PTPRB: variants seen among roughly 807,000 people sequenced by gnomAD.
PTPRB encodes receptor-type tyrosine-protein phosphatase beta.
Under a neutral mutation model 238.1 loss-of-function variants are expected in PTPRB, and 97 were observed. The observed-to-expected ratio is 0.41, with a 90% CI of 0.35 to 0.48. The LOEUF (loss-of-function observed/expected upper bound fraction) is 0.48. Ranked by LOEUF, PTPRB falls within the 20% of genes least tolerant of loss-of-function variation. PTPRB has a pLI of 0.30. For missense variants in PTPRB, 2,292 were observed against 2,681.9 expected, an observed-to-expected ratio of 0.85 and a Z score of 3.21; for synonymous variants, 970 against 995.4, an observed-to-expected ratio of 0.97 and a Z score of 0.48.
At chr12:70,606,497 A>G (rs2136529069) in intron 4 of PTPRB, among the ~76,000 whole-genome samples, 1 of 152,334 alleles carries the variant, frequency 6.6e-6, no homozygotes, top group Middle Eastern at 3.4e-3. Flanking sequence ...CTAAGCAACA[A>G]CTATATTTCT....
At chr12:70,589,912 A>G (rs2136455906) in intron 8 of PTPRB, 52 bp downstream of exon 8, 2 of 1,551,702 alleles carry the variant, frequency 1.3e-6, no homozygotes, top group East Asian at 4.5e-5. Flanking sequence ...GTTACCTGGG[A>G]GAGGGAACAA....
In PTPRB at chr12:70,539,657, C is replaced by G. The variant is rs755777113; in HGVS notation, c.5746G>C (p.Asp1916His). The G allele has an allele frequency of 1.9e-6, 3 of 1,583,630 alleles. No individual in the cohort carries two copies. The highest frequency in any genetic ancestry group is 2.6e-6 in the Non-Finnish European group (3 of 1,161,752). The change falls in exon 26 of 34, where the codon GAC becomes CAC. Residue 1916 changes from aspartate (D) to histidine (H), a missense_variant. Around this residue, in one of 4 missense-constraint regions of PTPRB, gnomAD observed 397 missense variants for 502.0 expected, o/e 0.79. Coordinates refer to ENST00000334414, the MANE Select transcript of PTPRB (RefSeq NM_001109754.4). ...TCCTTGGATAGAAGGTAGTTGGAGT[C>G]AGCCTGTAGCTTCATGAAATGCCCT... ...FEGHFMKLQA[D>H]SNYLLSKEYE...
chr12:70,623,761 A>G (rs996962838), intron 2 of PTPRB, among the ~76,000 whole-genome samples: 1 of 152,152 alleles, frequency 6.6e-6, no homozygotes, highest in Non-Finnish European at 1.5e-5. Flanking sequence ...TATTCAAACA[A>G]CTGTTTATTA....
chr12:70,575,069 T>C (rs1565964226), intron 11 of PTPRB, among the ~76,000 whole-genome samples: 1 of 152,148 alleles, frequency 6.6e-6, no homozygotes, highest in Non-Finnish European at 1.5e-5. Context: ...CAGATCTAAG[T>C]CATTATTGTG....
At chr12:70,591,695 G>T (rs1023408464) in intron 7 of PTPRB, 2 of 152,640 alleles carry the variant, frequency 1.3e-5, no homozygotes, top group African/African-American at 4.8e-5. Context: ...GGACACATAT[G>T]GTCTCTGTCT....
chr12:70,528,074 C>T (rs1174031091), intron 32 of PTPRB, among the ~76,000 whole-genome samples: 1 of 152,142 alleles, frequency 6.6e-6, no homozygotes, highest in Non-Finnish European at 1.5e-5. Context: ...ACTTTTGCAC[C>T]AACCTAATAC....
At chr12:70,566,017 G>A (rs899878192) in intron 15 of PTPRB, among the ~76,000 whole-genome samples, 90 of 152,142 alleles carry the variant, frequency 5.9e-4, no homozygotes, top group Admixed American at 3.1e-3. Context: ...GAATGTGGGC[G>A]GCCTCAGAAG....
chr12:70,539,913 T>C (rs898684837), intron 24 of PTPRB, 26 bp downstream of exon 24: 14 of 1,590,084 alleles, frequency 8.8e-6, no homozygotes, highest in Non-Finnish European at 1.2e-5. Flanking sequence ...TTCAACAAAT[T>C]ATACGAAGGC....
intron 18 of PTPRB, among the ~76,000 whole-genome samples, chr12:70,558,291 C>T (rs1565940750): frequency 6.6e-6 from 1 of 152,176 alleles, no homozygotes; most frequent in African/African-American, 2.4e-5. Flanking sequence ...AGTTCTTTTT[C>T]ACATATTTCT....
intron 21 of PTPRB, among the ~76,000 whole-genome samples, chr12:70,547,822 A>G (rs1403107939): frequency 6.6e-6 from 1 of 152,016 alleles, no homozygotes; most frequent in Non-Finnish European, 1.5e-5. Context: ...GACTTTTTCA[A>G]ACATGTTTCT....
In PTPRB at chr12:70,576,443, G is replaced by A; in HGVS notation, c.2781C>T (p.Thr927=). The change falls in exon 11 of 34, where the codon ACC becomes ACT. Residue 927 remains threonine (T), a synonymous_variant. Coordinates refer to ENST00000334414, the MANE Select transcript of PTPRB (RefSeq NM_001109754.4). ...TGCCACTCCTTGTAGTTATGGTCAC[G>A]GTGTAGAGGCGGCCTGGGGTGAGGG... ...FSSLTPGRLY[T]VTITTRSGKY... The A allele has an allele frequency of 2.5e-6, 4 of 1,607,572 alleles. No homozygotes were observed. The highest frequency in any genetic ancestry group is 2.2e-5 in the East Asian group (1 of 44,730).
At chr12:70,524,832 CATATATGTGTGT>C (rs763295182) in intron 32 of PTPRB, among the ~76,000 whole-genome samples, 2,785 of 148,818 alleles carry the variant, frequency 0.019, 29 homozygotes, top group Admixed American at 0.022. Context: ...TGTGTGTGTG[CATATATGTGTGT>C]ATATATGTGT....
rs1163370086 is a variant in PTPRB at position 70,548,338 on chromosome 12, TCTCTCTCTCACACACA to T, written c.5388-3691_5388-3676del. The stretch of plus-strand genomic sequence containing the variant: ...GCAAGACTCTCTCTCTCTCTCTCTC[TCTCTCTCTCACACACA>T]CACACACACACACACACACACACAC... On this transcript the variant is annotated intron_variant, in intron 21 of 33. Coordinates refer to ENST00000334414, the MANE Select transcript of PTPRB (RefSeq NM_001109754.4). Among the ~76,000 whole-genome samples, 58 of 38,416 alleles carry T rather than the reference TCTCTCTCTCACACACA, an allele frequency of 1.5e-3. No homozygotes were observed. The South Asian group carries it at 0.017, about 11-fold the overall frequency. The allele number at this position is 38,416 out of a possible 152,430, so 25.2% of individuals were successfully genotyped here. A position where few individuals can be genotyped will look rare whatever the true frequency, so the allele number is the denominator to read the frequency against.
At chr12:70,609,916 C>G (rs1884316597) in intron 3 of PTPRB, 19 of 1,107,734 alleles carry the variant, frequency 1.7e-5, no homozygotes, top group Non-Finnish European at 2.1e-5. Context: ...TCAGCGCGCC[C>G]CGTGGGCGCA....
At chr12:70,634,194 A>G (rs534480346) in intron 2 of PTPRB, among the ~76,000 whole-genome samples, 1 of 152,318 alleles carries the variant, frequency 6.6e-6, no homozygotes, top group Admixed American at 6.5e-5. Context: ...TAACTTACAG[A>G]ATGAATGAGT....
chr12:70,543,501 C>G (rs1472095149), intron 22 of PTPRB, among the ~76,000 whole-genome samples: 1 of 152,162 alleles, frequency 6.6e-6, no homozygotes, highest in Non-Finnish European at 1.5e-5. Flanking sequence ...CATCTAAATC[C>G]TCTTAACTGT....
intron 2 of PTPRB, among the ~76,000 whole-genome samples, chr12:70,623,180 A>G (rs1885024054): frequency 6.6e-6 from 1 of 152,210 alleles, no homozygotes. Context: ...ACACTTCGTT[A>G]GCCACAGTGC....
At position 70,534,483 on chromosome 12, in the gene PTPRB, AG is replaced by A. The variant is rs1565908092; in HGVS notation, c.6368+4del. 6.2e-7 allele frequency: 1 copy of A among 1,610,942 alleles called. No individual in the cohort carries two copies. The highest frequency in any genetic ancestry group is 1.7e-5 in the Admixed American group (1 of 59,884). On this transcript the variant is annotated splice_donor_region_variant and intron_variant, in intron 31 of 33. Coordinates refer to ENST00000334414, the MANE Select transcript of PTPRB (RefSeq NM_001109754.4). ...CATTTTATTGGCTGCTAGGTTTCCT[AG>A]TACCTGCAGTGCACCACAGTGGGCC...
Position 70,539,644 on chromosome 12 carries a change from A to G in PTPRB, c.5759T>C (p.Leu1920Pro). ...FMKLQADSNY[L>P]LSKEYEELKD... is the part of the protein sequence containing the mutation. Reference sequence around the variant, plus strand: ...TTGTACCTCGTATTCCTTGGATAGAAGGTAGTTGGAGTCAGCCTGTAGCTT... The same window carrying G: ...TTGTACCTCGTATTCCTTGGATAGAGGGTAGTTGGAGTCAGCCTGTAGCTT... The change falls in exon 26 of 34, where the codon CTT becomes CCT. Residue 1920 changes from leucine to proline, a missense_variant. Leu to Pro is a moderately conservative substitution (Grantham distance 98). Around this residue, in one of 4 missense-constraint regions of PTPRB, gnomAD observed 397 missense variants for 502.0 expected, o/e 0.79. Transcript: ENST00000334414. 1.3e-6 allele frequency: 2 copies of G among 1,570,712 alleles called. 1 individual carries two copies. Among genetic ancestry groups the G allele is most frequent in the South Asian group, 2.3e-5 (2 of 86,892 alleles).
Sources: gnomAD v4.1 joint callset for allele counts (sites outside exome capture counted in the v4.1 genomes callset) on GRCh38, gnomAD v4.1.1 for gene constraint, gnomAD v4.1.1 regional missense constraint, MANE v1.5 for transcripts, NCBI Gene and HGNC (gene_info 2026-07-23, HGNC 2026-07-21) for gene names.